The following RIMS2 variants were observed in gnomAD, a reference collection of about 807,000 sequenced individuals.
RIMS2 encodes the protein regulating synaptic membrane exocytosis protein 2.
A neutral mutation model predicts 174.4 loss-of-function variants in RIMS2; 59 were observed. The observed-to-expected ratio is 0.34, with a 90% CI of 0.27 to 0.42. The LOEUF (loss-of-function observed/expected upper bound fraction) is 0.42, where lower values mean the gene tolerates loss of function less well. Ranked by LOEUF, RIMS2 falls within the 10% of genes least tolerant of loss-of-function variation. The pLI, the probability that RIMS2 is intolerant of heterozygous loss-of-function variation, is 1.00. For missense variants in RIMS2, 1,620 were observed against 1,666.3 expected (o/e 0.97, Z 0.48); for synonymous variants, 606 against 572.5 (o/e 1.06, Z -0.84).
At chr8:103,553,961 C>T (rs200101857) in intron 1 of RIMS2, among the ~76,000 whole-genome samples, 18,887 of 152,098 alleles carry the variant, frequency 0.12, 1,273 homozygotes, top group Middle Eastern at 0.23. Flanking sequence ...AAAGGACCCC[C>T]GTTCAATAAA....
chr8:103,551,003 G>A (rs1847574790), intron 1 of RIMS2, among the ~76,000 whole-genome samples: 1 of 152,082 alleles, frequency 6.6e-6, no homozygotes, highest in Non-Finnish European at 1.5e-5. Flanking sequence ...ATTCACAGCC[G>A]AATTCTACCA....
chr8:103,799,878 G>A (rs2098594147), intron 3 of RIMS2, among the ~76,000 whole-genome samples: 1 of 152,086 alleles, frequency 6.6e-6, no homozygotes, highest in African/African-American at 2.4e-5. Context: ...TTTATAGTTT[G>A]TGCTCTTTTA....
intron 19 of RIMS2, among the ~76,000 whole-genome samples, chr8:104,173,179 CTA>C (rs1197519921): frequency 6.6e-6 from 1 of 152,094 alleles, no homozygotes; most frequent in East Asian, 1.9e-4. Context: ...GTGTTTAAGA[CTA>C]TGAAACAAGT....
intron 1 of RIMS2, among the ~76,000 whole-genome samples, chr8:103,651,849 A>T (rs899183976): frequency 7.2e-5 from 11 of 152,104 alleles, no homozygotes; most frequent in Non-Finnish European, 1.2e-4. Flanking sequence ...AGGAAAAATT[A>T]AAAAAAGGAA....
Position 103,767,927 on chromosome 8 carries a change from C to T in RIMS2, c.698+1390C>T, listed in dbSNP as rs369545567. 5.9e-5 allele frequency among the ~76,000 whole-genome samples: 9 copies of T among 152,296 alleles called. 1 individual carries two copies. Among genetic ancestry groups the T allele is most frequent in the African/African-American group, 2.2e-4 (9 of 41,560 alleles). On this transcript the variant is annotated intron_variant, in intron 3 of 23. Transcript: ENST00000504942. Reference sequence around the variant, plus strand: ...GAAGTTGGAGTATTTAATTTATCAACTCTCCTTTATTGTTGGTCCAGGGCT... The same window carrying T: ...GAAGTTGGAGTATTTAATTTATCAATTCTCCTTTATTGTTGGTCCAGGGCT...
intron 3 of RIMS2, chr8:103,819,309 A>G (rs1189066241): frequency 7.1e-7 from 1 of 1,402,996 alleles, no homozygotes. Context: ...CGGGTACTGA[A>G]TCTTCTACGA....
At chr8:103,982,477 T>G (rs530974380) in intron 16 of RIMS2, among the ~76,000 whole-genome samples, 1 of 145,728 alleles carries the variant, frequency 6.9e-6, no homozygotes, top group African/African-American at 2.6e-5. Flanking sequence ...CTAATGAATA[T>G]TGATGCAGAA....
intron 13 of RIMS2, among the ~76,000 whole-genome samples, chr8:103,940,912 C>T (rs951436769): frequency 6.6e-6 from 1 of 151,432 alleles, no homozygotes; most frequent in African/African-American, 2.4e-5. Context: ...CCTTGTGTGA[C>T]CTTTGGGAGG....
intron 19 of RIMS2, among the ~76,000 whole-genome samples, chr8:104,075,877 A>AGGATACAT (rs1242618321): frequency 7.2e-5 from 11 of 152,174 alleles, no homozygotes; most frequent in African/African-American, 2.4e-4. Context: ...CCACCAGCTG[A>AGGATACAT]GGATACATTT....
Position 103,963,909 on chromosome 8 carries a change from C to G in RIMS2, c.2770+2776C>G, listed in dbSNP as rs546600737. Among the ~76,000 whole-genome samples, 7 of 152,284 alleles carry G rather than the reference C, an allele frequency of 4.6e-5. No homozygotes were observed. The South Asian group carries it at 1.5e-3, about 32-fold the overall frequency. On this transcript the variant is annotated intron_variant, in intron 15 of 23. Coordinates refer to ENST00000504942, the Ensembl canonical transcript of RIMS2. ...ACTGTCTCCATAGTTTTGCCTTTTCCAGAATGTCACATAGTTGGAATCATA... is the reference window on the plus strand; with the variant it reads ...ACTGTCTCCATAGTTTTGCCTTTTCGAGAATGTCACATAGTTGGAATCATA...
chr8:104,249,495 C>T lies in RIMS2; in HGVS notation c.3598C>T (p.Gln1200Ter). ...CTTCCTTCTTCCATTAGGTGACATT[C>T]AGGTAGGAATGATGGACAAAAAGGG... Residue 1200 changes from glutamine to a stop codon, truncating the protein, a stop_gained, in exon 22 of 24, where the codon CAG becomes TAG. Coordinates refer to ENST00000504942, the Ensembl canonical transcript of RIMS2. LOFTEE classifies it high-confidence loss of function. 1 of 1,589,586 alleles carries T rather than the reference C, an allele frequency of 6.3e-7. No homozygotes were observed. Among genetic ancestry groups the T allele is most frequent in the Non-Finnish European group, 8.6e-7 (1 of 1,158,118 alleles).
intron 3 of RIMS2, among the ~76,000 whole-genome samples, chr8:103,849,441 CAT>C (rs770671049): frequency 3.3e-5 from 5 of 152,178 alleles, no homozygotes; most frequent in South Asian, 2.1e-4. Context: ...GCTGAGGAAA[CAT>C]GTGGTCTCAG....
intron 1 of RIMS2, among the ~76,000 whole-genome samples, chr8:103,600,560 C>T (rs932825394): frequency 5.3e-5 from 8 of 152,144 alleles, no homozygotes; most frequent in Non-Finnish European, 1.0e-4. Context: ...CGTGAGCCAC[C>T]ATGCCTGGCT....
At chr8:103,858,409 T>G (rs1473933322) in intron 3 of RIMS2, among the ~76,000 whole-genome samples, 5 of 152,116 alleles carry the variant, frequency 3.3e-5, no homozygotes, top group Non-Finnish European at 7.4e-5. Context: ...CTTTCCAATT[T>G]TATTTTAATA....
chr8:104,253,609 G>C (rs1346774979), downstream of RIMS2: 3 of 152,114 alleles, frequency 2.0e-5, no homozygotes, highest in Non-Finnish European at 4.4e-5. Context: ...ATTGGGTGGA[G>C]CTGCAAGGTC....
chr8:104,057,321 G>A (rs1220975838), intron 19 of RIMS2, among the ~76,000 whole-genome samples: 1 of 151,872 alleles, frequency 6.6e-6, no homozygotes, highest in African/African-American at 2.4e-5. Flanking sequence ...TCCCGCCTCA[G>A]CCTCTCAAAG....
intron 14 of RIMS2, among the ~76,000 whole-genome samples, chr8:103,945,494 A>G (rs1273277799): frequency 6.6e-6 from 1 of 152,110 alleles, no homozygotes; most frequent in Non-Finnish European, 1.5e-5. Context: ...AGAAAAGAAA[A>G]CTACAGACCA....
chr8:103,831,063 C>A (rs1366354887), intron 3 of RIMS2, among the ~76,000 whole-genome samples: 3 of 152,194 alleles, frequency 2.0e-5, no homozygotes, highest in African/African-American at 7.2e-5. Flanking sequence ...CCTGCCTTGG[C>A]CTCCCAAAGT....
intron 1 of RIMS2, among the ~76,000 whole-genome samples, chr8:103,554,217 G>A (rs553078560): frequency 6.6e-6 from 1 of 152,188 alleles, no homozygotes; most frequent in South Asian, 2.1e-4. Context: ...AAGTACTTCT[G>A]CATAGCAAAA....
Sources: allele counts gnomAD v4.1 joint callset (sites outside exome capture counted in the v4.1 genomes callset), GRCh38; gene constraint gnomAD v4.1.1; transcripts MANE v1.5; gene names NCBI Gene and HGNC (gene_info 2026-07-23, HGNC 2026-07-21).